Variants in ABCC4 observed in about 807,000 individuals in gnomAD.
ABCC4 encodes the protein ATP-binding cassette sub-family C member 4.
In ABCC4, 102 loss-of-function variants were observed where a neutral mutation model predicts 168.5. The observed-to-expected ratio is 0.61, with a 90% CI of 0.52 to 0.71. The LOEUF (loss-of-function observed/expected upper bound fraction) is 0.71, where lower values mean the gene tolerates loss of function less well. Among genes scored for constraint, ABCC4 ranks in the 30% least tolerant of loss-of-function variants. The pLI, the probability that ABCC4 is intolerant of heterozygous loss-of-function variation, is 0.00. For synonymous variants in ABCC4, 617 were observed against 590.7 expected (o/e 1.04, Z -0.65); for missense variants, 1,402 against 1,605.8 (o/e 0.87, Z 2.17).
At chr13:95,225,603 G>C (rs532004915) in intron 4 of ABCC4, among the ~76,000 whole-genome samples, 1 of 152,280 alleles carries the variant, frequency 6.6e-6, no homozygotes, top group South Asian at 2.1e-4. Flanking sequence ...CCAGGAGGCG[G>C]AGGTTGCAGT....
intron 26 of ABCC4, chr13:95,055,941 G>A (rs978814471): frequency 6.6e-6 from 1 of 151,678 alleles, no homozygotes; most frequent in African/African-American, 2.4e-5. Context: ...TGGCCGCTCT[G>A]AATCAAAGCA....
chr13:95,128,768 GA>G (rs1197793650), intron 19 of ABCC4, among the ~76,000 whole-genome samples: 6 of 152,160 alleles, frequency 3.9e-5, no homozygotes, highest in Admixed American at 3.3e-4. Context: ...TTGGTTCCCT[GA>G]ACCTACCTTA....
rs2038794580 is a variant in ABCC4, at chr13:95,206,784, G to A, written c.912-3C>T. Reference sequence around the variant, plus strand: ...TCAGAATCTTGGAAATCTCCTTCCTGAAAGAGAGTACAGGTTTTTAAAAAA... The same window carrying A: ...TCAGAATCTTGGAAATCTCCTTCCTAAAAGAGAGTACAGGTTTTTAAAAAA... On this transcript the variant is annotated splice_region_variant and splice_polypyrimidine_tract_variant and intron_variant, in intron 7 of 30. Transcript: ENST00000645237. 6.2e-7 allele frequency: 1 copy of A among 1,613,920 alleles called. No homozygotes were observed. The highest frequency in any genetic ancestry group is 8.5e-7 in the Non-Finnish European group (1 of 1,179,918).
intron 4 of ABCC4, among the ~76,000 whole-genome samples, chr13:95,230,831 C>T (rs1178582868): frequency 6.6e-6 from 1 of 152,086 alleles, no homozygotes; most frequent in Non-Finnish European, 1.5e-5. Context: ...ATTGTACATT[C>T]GTGTTCATAG....
At chr13:95,188,325 G>A (rs1018352545) in intron 10 of ABCC4, 128 bp downstream of exon 10, 5 of 813,656 alleles carry the variant, frequency 6.1e-6, no homozygotes, top group Non-Finnish European at 1.1e-5. Context: ...AATGTTCCAT[G>A]CACTGAGAAA....
chr13:95,224,298 G>C (rs1247401908), intron 4 of ABCC4, among the ~76,000 whole-genome samples: 6 of 151,812 alleles, frequency 4.0e-5, no homozygotes, highest in Admixed American at 3.9e-4. Context: ...GTTGACAATG[G>C]AACACCTTTG....
At chr13:95,219,901 G>A (rs1053587128) in intron 4 of ABCC4, among the ~76,000 whole-genome samples, 1 of 149,396 alleles carries the variant, frequency 6.7e-6, no homozygotes, top group Non-Finnish European at 1.5e-5. Context: ...TGTTGCCCAG[G>A]CTGGAGTGCA....
intron 4 of ABCC4, among the ~76,000 whole-genome samples, chr13:95,216,084 A>C (rs1284440493): frequency 6.6e-6 from 1 of 152,230 alleles, no homozygotes; most frequent in Non-Finnish European, 1.5e-5. Flanking sequence ...CACCTACTGT[A>C]AGCCAGACAA....
chr13:95,106,226 C>A (rs938889027), intron 20 of ABCC4, among the ~76,000 whole-genome samples: 1 of 151,988 alleles, frequency 6.6e-6, no homozygotes, highest in East Asian at 1.9e-4. Context: ...TCTATTACAG[C>A]CACAAATGTT....
intron 30 of ABCC4, among the ~76,000 whole-genome samples, chr13:95,028,827 A>G (rs61967163): frequency 0.44 from 67,358 of 151,802 alleles, 15,470 homozygotes; most frequent in Admixed American, 0.55. Context: ...GGAAAAGTGA[A>G]AAGTACAGAG....
intron 8 of ABCC4, among the ~76,000 whole-genome samples, chr13:95,198,351 G>A (rs1414121307): frequency 6.6e-6 from 1 of 152,060 alleles, no homozygotes; most frequent in East Asian, 1.9e-4. Context: ...ACAAACATAT[G>A]AAAAAAAGCT....
chr13:95,301,368 C>T lies in ABCC4; in HGVS notation c.-54G>A. 2 of 1,478,746 alleles carry T rather than the reference C, an allele frequency of 1.4e-6. No individual in the cohort carries two copies. The highest frequency in any genetic ancestry group is 1.8e-6 in the Non-Finnish European group (2 of 1,097,164). 91.6% of individuals were successfully genotyped at this position (1,478,746 alleles called of 1,614,324 possible). ...GGTCGCGCTGATCAGGCGGCGGTGG[C>T]CGCGGGCTCCGCTCCTGGACCTCAA... On this transcript the variant is annotated 5_prime_UTR_variant, in exon 1 of 31. Transcript: ENST00000645237.
rs560762388 is a variant in ABCC4 at position 95,270,245 on chromosome 13, A to G, written c.75-22492T>C. 2.8e-4 allele frequency among the ~76,000 whole-genome samples: 42 copies of G among 152,190 alleles called. 1 individual carries two copies. In the East Asian group the frequency reaches 5.6e-3, roughly 20 times the overall value. ...ATTTTGTTAGTATTTTCTCTAATCA[A>G]CAATGACTGTGGGAAGGGGAAGAGA... On this transcript the variant is annotated intron_variant, in intron 1 of 30. Coordinates refer to ENST00000645237, the MANE Select transcript of ABCC4 (RefSeq NM_005845.5).
At chr13:95,186,596 C>T (rs1449975460) in intron 11 of ABCC4, 105 bp downstream of exon 11, 11 of 1,035,588 alleles carry the variant, frequency 1.1e-5, no homozygotes, top group Non-Finnish European at 1.1e-5. Context: ...AAATAACATT[C>T]AAAGGTCTTT....
At chr13:95,025,702 C>A (rs942846415) in intron 30 of ABCC4, among the ~76,000 whole-genome samples, 6 of 151,612 alleles carry the variant, frequency 4.0e-5, no homozygotes, top group African/African-American at 1.5e-4. Context: ...TAGTACAGGG[C>A]CTGGAGATTA....
intron 1 of ABCC4, among the ~76,000 whole-genome samples, chr13:95,274,698 G>C (rs1251861470): frequency 6.6e-6 from 1 of 152,094 alleles, no homozygotes; most frequent in East Asian, 1.9e-4. Flanking sequence ...CCGTCTCTAA[G>C]ACCTGTGAGT....
intron 19 of ABCC4, among the ~76,000 whole-genome samples, chr13:95,137,311 G>C (rs55991254): frequency 6.6e-6 from 1 of 152,182 alleles, no homozygotes; most frequent in Non-Finnish European, 1.5e-5. Flanking sequence ...TCTATGCTTT[G>C]TCCTGCTCCA....
At chr13:95,289,089 A>T (rs538949326) in intron 1 of ABCC4, among the ~76,000 whole-genome samples, 20 of 152,294 alleles carry the variant, frequency 1.3e-4, no homozygotes, top group Non-Finnish European at 2.5e-4. Flanking sequence ...GTTGGACTGT[A>T]TGCACTCTCC....
At chr13:95,046,500 C>T (rs945293622) in intron 27 of ABCC4, among the ~76,000 whole-genome samples, 1 of 152,192 alleles carries the variant, frequency 6.6e-6, no homozygotes, top group African/African-American at 2.4e-5. Context: ...TACAGTGGCT[C>T]ATGCCTGTAA....
Sources: gnomAD v4.1 joint callset for allele counts (sites outside exome capture counted in the v4.1 genomes callset) on GRCh38, gnomAD v4.1.1 for gene constraint, MANE v1.5 for transcripts, NCBI Gene and HGNC (gene_info 2026-07-23, HGNC 2026-07-21) for gene names.